Variants in BNC1 observed in about 807,000 individuals in gnomAD.
BNC1 encodes basonuclin zinc finger protein 1.
A neutral mutation model predicts 66.5 loss-of-function variants in BNC1; 8 were observed. The ratio of observed to expected loss-of-function variants is 0.12; its 90% CI spans 0.07 to 0.22. The LOEUF (loss-of-function observed/expected upper bound fraction) is 0.22. Ranked by LOEUF, BNC1 falls within the 10% of genes least tolerant of loss-of-function variation. The pLI is 1.00. For missense variants in BNC1, 1,069 were observed against 1,241.3 expected (o/e 0.86, Z 2.09); for synonymous variants, 454 against 452.6 (o/e 1.00, Z -0.04).
intron 3 of BNC1, among the ~76,000 whole-genome samples, chr15:83,265,105 C>T (rs1439365786): frequency 6.6e-6 from 1 of 152,196 alleles, no homozygotes; most frequent in African/African-American, 2.4e-5. Context: ...TTTTTCACCT[C>T]ATTTCAGACC....
chr15:83,266,256 G>GGGGA (rs150480242), intron 3 of BNC1, among the ~76,000 whole-genome samples: 95 of 150,836 alleles, frequency 6.3e-4, no homozygotes, highest in African/African-American at 1.7e-3. Flanking sequence ...ACTGGGGTGT[G>GGGGA]GGGAGGGAGG....
rs745344454 is a variant in BNC1 at position 83,263,721 on chromosome 15, G to A, written c.1530C>T (p.Ser510=). 1.2e-6 allele frequency: 2 copies of A among 1,614,122 alleles called. 1 individual carries two copies. The highest frequency in any genetic ancestry group is 2.2e-5 in the South Asian group (2 of 91,094). ...EVANTPGILP[S]LPLLSSSIPE... The stretch of plus-strand genomic sequence containing the variant: ...GGATTGAAGAGGACAACAGCGGGAG[G>A]GAAGGGAGTATCCCAGGCGTGTTTG... The change falls in exon 4 of 5, where the codon TCC becomes TCT. Residue 510 remains serine (S), a synonymous_variant. Transcript: ENST00000345382.
chr15:83,275,253 A>C (rs1197401405), intron 1 of BNC1, among the ~76,000 whole-genome samples: 1 of 152,212 alleles, frequency 6.6e-6, no homozygotes, highest in Non-Finnish European at 1.5e-5. Flanking sequence ...TAATCCCAGC[A>C]CTTTGGAAGG....
chr15:83,274,494 G>A (rs2151438931), intron 1 of BNC1, among the ~76,000 whole-genome samples: 1 of 152,320 alleles, frequency 6.6e-6, no homozygotes, highest in Middle Eastern at 3.4e-3. Context: ...GGACAGTGGA[G>A]ATACACAACA....
rs1406405770 is a variant in BNC1 at position 83,257,544 on chromosome 15, T to G, written c.2883A>C (p.Pro961=). ...CAGACGAAAACATGGTGTTGCAGCCTGGTACTTTGCATTTGTGGAGCTGCC... is the reference window on the plus strand; with the variant it reads ...CAGACGAAAACATGGTGTTGCAGCCGGGTACTTTGCATTTGTGGAGCTGCC... The part of the protein sequence containing the change: ...HLRQLHKCKV[P]GCNTMFSSVR... Residue 961 remains proline, a synonymous_variant, in exon 5 of 5, where the codon CCA becomes CCC. Coordinates refer to ENST00000345382, the MANE Select transcript of BNC1 (RefSeq NM_001717.4). 3 of 1,614,168 alleles carry G rather than the reference T, an allele frequency of 1.9e-6. No homozygotes were observed. In the Admixed American group the frequency reaches 5.0e-5, roughly 27 times the overall value.
Position 83,269,428 on chromosome 15 carries a change from CGT to C in BNC1, c.100-1198_100-1197del, listed in dbSNP as rs59308826. On this transcript the variant is annotated intron_variant, in intron 1 of 4. Coordinates refer to ENST00000345382, the MANE Select transcript of BNC1 (RefSeq NM_001717.4). ...ACAAGAGTCTTGAAACTGGGAAGTGCGTGTGTGTGTGTGTGTGCGCGCGCATC... is the reference window on the plus strand; with the variant it reads ...ACAAGAGTCTTGAAACTGGGAAGTGCGTGTGTGTGTGTGTGCGCGCGCATC... Among the ~76,000 whole-genome samples the C allele has an allele frequency of 1.7e-4, 25 of 150,252 alleles. 1 individual carries two copies. The highest frequency in any genetic ancestry group is 1.5e-3 in the South Asian group (7 of 4,722).
At position 83,261,553 on chromosome 15, in the gene BNC1, T is replaced by A. The variant is rs577991989; in HGVS notation, c.2300+1398A>T. On this transcript the variant is annotated intron_variant, in intron 4 of 4. Transcript: ENST00000345382. ...CAGCTGATCTTTTCCATAAGCCTCC[T>A]GGGGCCATCTTTTGGTATGCTTGCT... Among the ~76,000 whole-genome samples, 100 of 152,350 alleles carry A rather than the reference T, an allele frequency of 6.6e-4. 1 individual carries two copies. Among genetic ancestry groups the A allele is most frequent in the African/African-American group, 2.2e-3 (93 of 41,582 alleles).
At chr15:83,262,321 G>C (rs1435928970) in intron 4 of BNC1, among the ~76,000 whole-genome samples, 1 of 152,046 alleles carries the variant, frequency 6.6e-6, no homozygotes, top group East Asian at 1.9e-4. Context: ...AAAGTGCTGG[G>C]ATTACAGGGA....
chr15:83,279,670 C>T (rs2038359758), intron 1 of BNC1, among the ~76,000 whole-genome samples: 1 of 152,178 alleles, frequency 6.6e-6, no homozygotes, highest in Non-Finnish European at 1.5e-5. Flanking sequence ...AGCCAGGAGT[C>T]TCTTTATTGG....
Position 83,268,265 on chromosome 15 carries a change from A to C in BNC1, c.100-33T>G, listed in dbSNP as rs753412545. ...AGAGGAGAAAACAGGTATGTGGAGC[A>C]TGTAAGTGATGTGTGAAACATTCAT... is the stretch of plus-strand genomic sequence containing the variant. On this transcript the variant is annotated intron_variant, in intron 1 of 4. Transcript: ENST00000345382. 1.9e-5 allele frequency: 29 copies of C among 1,523,218 alleles called. No individual in the cohort carries two copies. In the South Asian group the frequency reaches 3.2e-4, roughly 17 times the overall value. The allele number at this position is 1,523,218 out of a possible 1,614,324, so 94.4% of individuals were successfully genotyped here.
chr15:83,267,409 G>A (rs1372421072), intron 2 of BNC1, among the ~76,000 whole-genome samples: 2 of 152,120 alleles, frequency 1.3e-5, no homozygotes, highest in Non-Finnish European at 2.9e-5. Flanking sequence ...GAGTCTGGGG[G>A]TAAAGAATCT....
chr15:83,263,310 C>T lies in BNC1; in HGVS notation c.1941G>A (p.Arg647=), dbSNP rs1475549740. The T allele has an allele frequency of 3.1e-6, 5 of 1,614,236 alleles. No individual in the cohort carries two copies. The South Asian group carries it at 4.4e-5, about 14-fold the overall frequency. ...GTTCATGGCCACCATCCTCGACCTCCCTTGGCACCATGATCAATGCTGGTG... is the reference window on the plus strand; with the variant it reads ...GTTCATGGCCACCATCCTCGACCTCTCTTGGCACCATGATCAATGCTGGTG... ...EQTPALIMVP[R]EVEDGGHEHY... is the part of the protein sequence containing the mutation. The change falls in exon 4 of 5, where the codon AGG becomes AGA. Residue 647 remains arginine, a synonymous_variant. Coordinates refer to ENST00000345382, the MANE Select transcript of BNC1 (RefSeq NM_001717.4).
chr15:83,261,892 G>A (rs776652125), intron 4 of BNC1, among the ~76,000 whole-genome samples: 3 of 152,034 alleles, frequency 2.0e-5, no homozygotes, highest in Non-Finnish European at 4.4e-5. Context: ...TAGAAATAAA[G>A]GAAAATATTT....
At chr15:83,262,918 C>G (rs577571018) in intron 4 of BNC1, 33 bp downstream of exon 4, 2 of 1,557,122 alleles carry the variant, frequency 1.3e-6, no homozygotes, top group South Asian at 2.5e-5. Flanking sequence ...GAGCCACTGC[C>G]TTAGAAAAAA....
chr15:83,263,548 G>C lies in BNC1; in HGVS notation c.1703C>G (p.Pro568Arg), dbSNP rs756377365. Residue 568 changes from proline to arginine, a missense_variant, in exon 4 of 5, where the codon CCC (proline) becomes CGC (arginine). Physicochemically the swap from Pro to Arg is moderately radical, Grantham distance 103. Around this residue, in one of 7 missense-constraint regions of BNC1, gnomAD observed 657 missense variants for 715.8 expected, o/e 0.92. Coordinates refer to ENST00000345382, the MANE Select transcript of BNC1 (RefSeq NM_001717.4). ...RHNLSSDEDM[P>R]LQVVSEDEQE... is the part of the protein sequence containing the mutation. ...CTCATCTTCACTGACCACCTGTAGG[G>C]GCATGTCTTCATCTGAGCTGAGGTT... 3 of 1,614,212 alleles carry C rather than the reference G, an allele frequency of 1.9e-6. No individual in the cohort carries two copies.
At position 83,264,706 on chromosome 15, in the gene BNC1, A is replaced by G; in HGVS notation, c.545T>C (p.Leu182Pro). 1.2e-6 allele frequency: 2 copies of G among 1,614,094 alleles called. No homozygotes were observed. The highest frequency in any genetic ancestry group is 1.7e-6 in the Non-Finnish European group (2 of 1,180,016). The change falls in exon 4 of 5, where the codon CTC becomes CCC. Residue 182 changes from leucine to proline, a missense_variant. By Grantham distance (98) the Leu-to-Pro change is moderately conservative (BLOSUM62 -3). Around this residue, in one of 7 missense-constraint regions of BNC1, gnomAD observed 181 missense variants for 181.5 expected, o/e 1.00. Transcript: ENST00000345382. The part of the protein sequence containing the change: ...RFGETKSIVE[L>P]MAIQEKEEQS... ...CTCTTCTTTCTCTTGAATTGCCATG[A>G]GTTCAACTATAGATTTGGTCTCTCC...
chr15:83,257,823 A>G lies in BNC1; in HGVS notation c.2604T>C (p.Ser868=). The part of the protein sequence containing the change: ...LSTTSSMKSE[S]SSHSSWDSDG... ...CAGAGTCCCAGGAAGAATGGCTGCTACTCTCTGACTTCATGCTCGAGGTAG... is the reference window on the plus strand; with the variant it reads ...CAGAGTCCCAGGAAGAATGGCTGCTGCTCTCTGACTTCATGCTCGAGGTAG... Residue 868 remains serine, a synonymous_variant, in exon 5 of 5, where the codon AGT becomes AGC. Transcript: ENST00000345382. 1 of 1,613,910 alleles carries G rather than the reference A, an allele frequency of 6.2e-7. No individual in the cohort carries two copies. The highest frequency in any genetic ancestry group is 8.5e-7 in the Non-Finnish European group (1 of 1,179,954).
chr15:83,264,848 A>G, intron 3 of BNC1, 33 bp from the exon 4 acceptor site: 6 of 1,589,260 alleles, frequency 3.8e-6, no homozygotes, highest in Non-Finnish European at 4.3e-6. Flanking sequence ...AAGTGTGATC[A>G]ATTTACAACT....
At chr15:83,260,918 C>A (rs2151434625) in intron 4 of BNC1, among the ~76,000 whole-genome samples, 1 of 152,292 alleles carries the variant, frequency 6.6e-6, no homozygotes, top group Admixed American at 6.5e-5. Flanking sequence ...AAATGCATTT[C>A]AAGTTCTAGA....
Sources: gnomAD v4.1 joint callset for allele counts (sites outside exome capture counted in the v4.1 genomes callset) on GRCh38, gnomAD v4.1.1 for gene constraint, gnomAD v4.1.1 regional missense constraint, MANE v1.5 for transcripts, NCBI Gene and HGNC (gene_info 2026-07-23, HGNC 2026-07-21) for gene names.